The following CALN1 variants were observed in gnomAD, a reference collection of about 807,000 sequenced individuals.
CALN1 encodes calcium-binding protein 8.
CALN1 carries 17 observed loss-of-function variants against 30.6 expected under a neutral mutation model. That is an observed-to-expected ratio of 0.56 (90% CI 0.38 to 0.83). CALN1 has a LOEUF of 0.83. Among genes scored for constraint, CALN1 ranks in the 40% least tolerant of loss-of-function variants. CALN1 has a pLI of 0.00. For synonymous variants in CALN1, 156 were observed against 131.4 expected (o/e 1.19, Z -1.28); for missense variants, 291 against 354.9 (o/e 0.82, Z 1.45).
chr7:72,292,338 G>T (rs1171184665), intron 2 of CALN1, among the ~76,000 whole-genome samples: 1 of 151,628 alleles, frequency 6.6e-6, no homozygotes, highest in Non-Finnish European at 1.5e-5. Flanking sequence ...GTGGACAGCA[G>T]AGAGCGCTCT....
chr7:71,931,051 G>A (rs1414803607), intron 5 of CALN1, among the ~76,000 whole-genome samples: 1 of 152,148 alleles, frequency 6.6e-6, no homozygotes, highest in East Asian at 1.9e-4. Flanking sequence ...GGAAACTGTG[G>A]AGGTACTTAA....
intron 1 of CALN1, among the ~76,000 whole-genome samples, chr7:72,404,955 T>C (rs865949937): frequency 6.6e-6 from 1 of 152,170 alleles, no homozygotes; most frequent in Non-Finnish European, 1.5e-5. Context: ...GACAGACACA[T>C]AAACCAACTA....
intron 3 of CALN1, among the ~76,000 whole-genome samples, chr7:72,166,603 C>G (rs990255967): frequency 1.8e-4 from 27 of 152,194 alleles, no homozygotes; most frequent in African/African-American, 5.1e-4. Context: ...ACAACTACCT[C>G]CCTCCTACCT....
At position 72,109,545 on chromosome 7, in the gene CALN1, G is replaced by A. The variant is rs573633959; in HGVS notation, c.245-3251C>T. Among the ~76,000 whole-genome samples the A allele has an allele frequency of 5.3e-5, 8 of 152,292 alleles. No homozygotes were observed. The South Asian group carries it at 1.0e-3, about 20-fold the overall frequency. Reference sequence around the variant, plus strand: ...TCCAACCCAAATTCTGAATCAAGGCGTTTGTCTGCATTTTGAGCTTTTCCC... The same window carrying A: ...TCCAACCCAAATTCTGAATCAAGGCATTTGTCTGCATTTTGAGCTTTTCCC... On this transcript the variant is annotated intron_variant, in intron 3 of 6. Transcript: ENST00000395275.
At chr7:72,191,653 T>C (rs1404712771) in intron 3 of CALN1, among the ~76,000 whole-genome samples, 1 of 148,598 alleles carries the variant, frequency 6.7e-6, no homozygotes, top group African/African-American at 2.5e-5. Flanking sequence ...ATGAGGCTGG[T>C]CAAATCAGGT....
chr7:71,887,189 T>A (rs577439059), intron 5 of CALN1, among the ~76,000 whole-genome samples: 17 of 152,302 alleles, frequency 1.1e-4, no homozygotes, highest in Non-Finnish European at 2.1e-4. Flanking sequence ...CGGATACAGT[T>A]CTGCTCATCA....
intron 2 of CALN1, among the ~76,000 whole-genome samples, chr7:72,312,495 C>T (rs922879737): frequency 2.6e-5 from 4 of 151,680 alleles, no homozygotes; most frequent in Admixed American, 2.6e-4. Context: ...CCAGGACAGA[C>T]AGCGCTGGGC....
chr7:72,066,836 C>T (rs2129537618), intron 4 of CALN1, among the ~76,000 whole-genome samples: 1 of 151,676 alleles, frequency 6.6e-6, no homozygotes, highest in East Asian at 1.9e-4. Context: ...AGCTAGAATA[C>T]AGTGGCACGA....
intron 5 of CALN1, among the ~76,000 whole-genome samples, chr7:71,963,203 C>T (rs1419946516): frequency 6.6e-6 from 1 of 152,120 alleles, no homozygotes; most frequent in Non-Finnish European, 1.5e-5. Flanking sequence ...TGCTCTGTCA[C>T]CCAGGCTGGA....
At chr7:72,386,031 C>A (rs1213011382) in intron 2 of CALN1, among the ~76,000 whole-genome samples, 1 of 152,176 alleles carries the variant, frequency 6.6e-6, no homozygotes, top group Non-Finnish European at 1.5e-5. Flanking sequence ...TTTGAAAAGG[C>A]TACCTACTGT....
the CALN1 span, among the ~76,000 whole-genome samples, chr7:72,468,022 T>G: frequency 6.6e-6 from 1 of 152,232 alleles, no homozygotes; most frequent in Admixed American, 6.5e-5. Context: ...GTGCATAGCT[T>G]CTTTCACCTA....
intron 2 of CALN1, among the ~76,000 whole-genome samples, chr7:72,399,102 T>C (rs529451666): frequency 3.0e-4 from 45 of 152,022 alleles, no homozygotes; most frequent in South Asian, 2.1e-3. Flanking sequence ...TCCAGATGCA[T>C]TGAGAAGCAT....
At chr7:72,228,036 C>T (rs867899690) in intron 3 of CALN1, among the ~76,000 whole-genome samples, 6 of 152,094 alleles carry the variant, frequency 3.9e-5, no homozygotes, top group African/African-American at 1.2e-4. Flanking sequence ...CAAAGCAGAA[C>T]GGTTCTGAAC....
chr7:72,078,485 A>C (rs1433728904), intron 4 of CALN1, among the ~76,000 whole-genome samples: 1 of 152,130 alleles, frequency 6.6e-6, no homozygotes, highest in Non-Finnish European at 1.5e-5. Flanking sequence ...TCCTAATTAA[A>C]ATGCCCATGA....
chr7:71,884,494 T>C (rs979181661), intron 5 of CALN1, among the ~76,000 whole-genome samples: 1 of 151,606 alleles, frequency 6.6e-6, no homozygotes, highest in Non-Finnish European at 1.5e-5. Context: ...CACTGAACCA[T>C]GAGGTCACCA....
At chr7:72,083,708 T>A (rs894833138) in intron 4 of CALN1, among the ~76,000 whole-genome samples, 25 of 152,102 alleles carry the variant, frequency 1.6e-4, no homozygotes, top group Non-Finnish European at 8.8e-5. Context: ...TTCACGAGGT[T>A]AAGAGATCGA....
chr7:71,895,571 G>A (rs1001202562), intron 5 of CALN1, among the ~76,000 whole-genome samples: 1 of 152,166 alleles, frequency 6.6e-6, no homozygotes, highest in Non-Finnish European at 1.5e-5. Flanking sequence ...ACTCCCTGGT[G>A]AAATTTCCAA....
chr7:72,142,382 A>G (rs916090851), intron 3 of CALN1, among the ~76,000 whole-genome samples: 8 of 152,220 alleles, frequency 5.3e-5, no homozygotes, highest in Non-Finnish European at 1.0e-4. Context: ...TTGCTAGCAC[A>G]GCAGTCTGAG....
intron 5 of CALN1, among the ~76,000 whole-genome samples, chr7:71,942,844 C>T (rs990310110): frequency 1.3e-5 from 2 of 152,146 alleles, no homozygotes; most frequent in South Asian, 4.1e-4. Context: ...CCATTCTATT[C>T]AAAGTCACCC....
Sources: allele counts gnomAD v4.1 joint callset (sites outside exome capture counted in the v4.1 genomes callset), GRCh38; gene constraint gnomAD v4.1.1; transcripts MANE v1.5; gene names NCBI Gene and HGNC (gene_info 2026-07-23, HGNC 2026-07-21).